UBR1: variants seen among roughly 807,000 people sequenced by gnomAD.
UBR1 encodes the protein E3 ubiquitin-protein ligase UBR1.
Under a neutral mutation model 242.1 loss-of-function variants are expected in UBR1, and 102 were observed. The observed-to-expected ratio is 0.42, with a 90% CI of 0.36 to 0.50. The LOEUF (loss-of-function observed/expected upper bound fraction) is 0.50, where lower values mean the gene tolerates loss of function less well. Among genes scored for constraint, UBR1 ranks in the 20% least tolerant of loss-of-function variants. The pLI, the probability that UBR1 is intolerant of heterozygous loss-of-function variation, is 0.01. For synonymous variants in UBR1, 675 were observed against 684.8 expected, an observed-to-expected ratio of 0.99 and a Z score of 0.22; for missense variants, 1,772 against 2,101.8, an observed-to-expected ratio of 0.84 and a Z score of 3.07.
intron 22 of UBR1, among the ~76,000 whole-genome samples, 195 bp from the exon 23 acceptor site, chr15:43,026,858 G>A (rs1211226889): frequency 1.3e-5 from 2 of 152,100 alleles, no homozygotes; most frequent in Non-Finnish European, 2.9e-5. Context: ...TAACAGCTAA[G>A]CTGTGTTTTA....
intron 20 of UBR1, among the ~76,000 whole-genome samples, chr15:43,030,537 C>A (rs566318964): frequency 6.3e-4 from 96 of 152,192 alleles, no homozygotes; most frequent in African/African-American, 2.2e-3. Context: ...CTGAAAAACA[C>A]AATACTTTAA....
intron 29 of UBR1, among the ~76,000 whole-genome samples, chr15:43,012,882 A>G (rs2032944374): frequency 6.6e-6 from 1 of 152,194 alleles, no homozygotes; most frequent in Non-Finnish European, 1.5e-5. Flanking sequence ...CTAGTATTCC[A>G]AAACCAAAAT....
intron 4 of UBR1, among the ~76,000 whole-genome samples, chr15:43,073,073 A>G (rs1373362628): frequency 6.6e-6 from 1 of 151,988 alleles, no homozygotes; most frequent in African/African-American, 2.4e-5. Flanking sequence ...AGACATGAGA[A>G]CTGCTTGAAC....
chr15:43,021,394 T>A lies in UBR1; in HGVS notation c.2840-19A>T. ...CCCAATCCTTTTTTAAAACACAAAA[T>A]CACACATCATAAATACATAAAGTCA... On this transcript the variant is annotated intron_variant, in intron 26 of 46. Transcript: ENST00000290650. 1 of 1,608,294 alleles carries A rather than the reference T, an allele frequency of 6.2e-7. No individual in the cohort carries two copies. The highest frequency in any genetic ancestry group is 8.5e-7 in the Non-Finnish European group (1 of 1,174,990).
intron 6 of UBR1, among the ~76,000 whole-genome samples, chr15:43,061,650 T>C (rs1472124030): frequency 1.3e-5 from 2 of 152,084 alleles, no homozygotes; most frequent in Admixed American, 1.3e-4. Context: ...GAATTAACGG[T>C]ATTTGCAGCA....
chr15:43,007,881 A>G (rs2032857970), intron 29 of UBR1, among the ~76,000 whole-genome samples: 1 of 152,222 alleles, frequency 6.6e-6, no homozygotes, highest in South Asian at 2.1e-4. Context: ...GTCATTAGGC[A>G]TTTAGGTTTC....
chr15:43,059,078 T>C lies in UBR1; in HGVS notation c.1093+7A>G, dbSNP rs763626103. On this transcript the variant is annotated splice_region_variant and intron_variant, in intron 9 of 46. Transcript: ENST00000290650. Reference sequence around the variant, plus strand: ...CTGACAAACAGCATAAGCAAATGTCTACTTACCTTTATAAAGCTTTGCATC... The same window carrying C: ...CTGACAAACAGCATAAGCAAATGTCCACTTACCTTTATAAAGCTTTGCATC... 1 of 1,610,810 alleles carries C rather than the reference T, an allele frequency of 6.2e-7. No individual in the cohort carries two copies. The highest frequency in any genetic ancestry group is 8.5e-7 in the Non-Finnish European group (1 of 1,177,022).
chr15:43,027,631 C>A, intron 22 of UBR1, 145 bp downstream of exon 22: 1 of 671,620 alleles, frequency 1.5e-6, no homozygotes. Context: ...TACTGTGAGC[C>A]CCTCATTCTC....
At chr15:43,040,026 A>T (rs1331074805) in intron 15 of UBR1, among the ~76,000 whole-genome samples, 1 of 152,170 alleles carries the variant, frequency 6.6e-6, no homozygotes, top group South Asian at 2.1e-4. Flanking sequence ...ATGCTGCCCA[A>T]GGTAATTTAT....
At chr15:42,983,665 C>CTAATAAT (rs5812235) in intron 37 of UBR1, among the ~76,000 whole-genome samples, 1 of 137,370 alleles carries the variant, frequency 7.3e-6, no homozygotes, top group Non-Finnish European at 1.5e-5. Context: ...AACTCCCACT[C>CTAATAAT]AATAATAATA....
chr15:42,954,242 C>G (rs2031881450), intron 44 of UBR1, among the ~76,000 whole-genome samples: 1 of 152,094 alleles, frequency 6.6e-6, no homozygotes, highest in Admixed American at 6.6e-5. Context: ...TTTGTGGTAG[C>G]AATGTAGCCC....
chr15:42,983,250 T>C (rs1277387561), intron 37 of UBR1, among the ~76,000 whole-genome samples: 2 of 152,184 alleles, frequency 1.3e-5, no homozygotes, highest in Admixed American at 1.3e-4. Context: ...ACTGCTCCCT[T>C]TTCTAACTGG....
chr15:42,984,770 T>C (rs1412086586), intron 36 of UBR1, 117 bp downstream of exon 36: 5 of 944,590 alleles, frequency 5.3e-6, no homozygotes, highest in South Asian at 2.8e-5. Flanking sequence ...TTCCCCACTA[T>C]AGAATTCTGC....
intron 12 of UBR1, 139 bp downstream of exon 12, chr15:43,054,603 A>T (rs1175275217): frequency 5.3e-6 from 5 of 947,406 alleles, no homozygotes; most frequent in Non-Finnish European, 8.6e-6. Flanking sequence ...AACGCGAGGC[A>T]GTAACAGTTC....
At chr15:42,989,072 A>G in intron 34 of UBR1, 105 bp from the exon 35 acceptor site, 1 of 972,256 alleles carries the variant, frequency 1.0e-6, no homozygotes, top group Non-Finnish European at 1.6e-6. Flanking sequence ...TGCTTTCAAC[A>G]TAAGTAAACT....
intron 4 of UBR1, among the ~76,000 whole-genome samples, chr15:43,074,686 G>A (rs1289758392): frequency 6.6e-6 from 1 of 152,124 alleles, no homozygotes; most frequent in Non-Finnish European, 1.5e-5. Flanking sequence ...CTCCCAAAGT[G>A]CCAGGATTAC....
intron 26 of UBR1, 120 bp from the exon 27 acceptor site, chr15:43,021,495 G>A (rs1555446150): frequency 6.1e-6 from 5 of 819,836 alleles, no homozygotes; most frequent in South Asian, 1.4e-5. Flanking sequence ...ATTCCCTTAT[G>A]TAAAATGGTG....
At chr15:43,096,039 A>C (rs2034155079) in intron 1 of UBR1, among the ~76,000 whole-genome samples, 1 of 152,246 alleles carries the variant, frequency 6.6e-6, no homozygotes, top group African/African-American at 2.4e-5. Context: ...AATACTGCTA[A>C]AAAATGCTAA....
chr15:42,981,815 T>C (rs2032383325), intron 37 of UBR1, among the ~76,000 whole-genome samples: 1 of 152,178 alleles, frequency 6.6e-6, no homozygotes, highest in South Asian at 2.1e-4. Flanking sequence ...TATGTTTGTT[T>C]TTATAGAAGT....
Sources: gnomAD v4.1 joint callset for allele counts (sites outside exome capture counted in the v4.1 genomes callset) on GRCh38, gnomAD v4.1.1 for gene constraint, MANE v1.5 for transcripts, NCBI Gene and HGNC (gene_info 2026-07-23, HGNC 2026-07-21) for gene names.